Variants in MYO18A observed in about 807,000 individuals in gnomAD.
MYO18A encodes unconventional myosin-XVIIIa.
A neutral mutation model predicts 235.8 loss-of-function variants in MYO18A; 78 were observed. The observed-to-expected ratio is 0.33, with a 90% CI of 0.28 to 0.40. The LOEUF (loss-of-function observed/expected upper bound fraction) is 0.40, where lower values mean the gene tolerates loss of function less well. Among genes scored for constraint, MYO18A ranks in the 10% least tolerant of loss-of-function variants. MYO18A has a pLI of 1.00. For missense variants in MYO18A, 2,215 were observed against 2,699.3 expected, an observed-to-expected ratio of 0.82 and a Z score of 3.98; for synonymous variants, 977 against 1,077.8, an observed-to-expected ratio of 0.91 and a Z score of 1.83.
intron 34 of MYO18A, chr17:29,091,190 T>C: frequency 2.2e-6 from 1 of 462,582 alleles, no homozygotes; most frequent in Middle Eastern, 6.0e-4. Context: ...CCTTTGAGGC[T>C]AATGAGAAGG....
At position 29,118,454 on chromosome 17, in the gene MYO18A, T is replaced by C; in HGVS notation, c.1830-14A>G. On this transcript the variant is annotated splice_polypyrimidine_tract_variant and intron_variant, in intron 8 of 41. Coordinates refer to ENST00000527372, the MANE Select transcript of MYO18A (RefSeq NM_078471.4). The surrounding 1 kb of genome is among the most constrained non-coding windows in gnomAD (Gnocchi z 4.2). Reference sequence around the variant, plus strand: ...TGGAGCTCTGTCCTAGGGGTACAAATAAGGCATCAGCACGGCACTTGGTCC... The same window carrying C: ...TGGAGCTCTGTCCTAGGGGTACAAACAAGGCATCAGCACGGCACTTGGTCC... The C allele has an allele frequency of 1.3e-6, 2 of 1,593,238 alleles. No homozygotes were observed. The highest frequency in any genetic ancestry group is 1.7e-6 in the Non-Finnish European group (2 of 1,163,774).
intron 19 of MYO18A, among the ~76,000 whole-genome samples, chr17:29,108,072 C>G (rs2066837114): frequency 6.6e-6 from 1 of 151,978 alleles, no homozygotes; most frequent in Non-Finnish European, 1.5e-5. Flanking sequence ...AACAGCGGCC[C>G]TCGCACTTAT....
chr17:29,141,041 C>T (rs752504186), intron 2 of MYO18A, among the ~76,000 whole-genome samples: 2 of 152,254 alleles, frequency 1.3e-5, no homozygotes, highest in African/African-American at 2.4e-5. Context: ...GGCCCACTTA[C>T]TGCCCCACTG....
intron 14 of MYO18A, 49 bp downstream of exon 14, chr17:29,114,858 T>C: frequency 6.4e-7 from 1 of 1,568,430 alleles, no homozygotes; most frequent in Non-Finnish European, 8.7e-7. Context: ...TCGCTGTGGG[T>C]GCCAAGGCCA....
At chr17:29,148,583 TG>T (rs1161026040) in intron 2 of MYO18A, among the ~76,000 whole-genome samples, 1 of 18,352 alleles carries the variant, frequency 5.4e-5, no homozygotes, top group Non-Finnish European at 1.0e-4. Context: ...TTTATTCTTT[TG>T]TGTGTGTGTG....
chr17:29,153,969 C>T (rs759310299), intron 2 of MYO18A, among the ~76,000 whole-genome samples: 28 of 152,316 alleles, frequency 1.8e-4, no homozygotes, highest in Non-Finnish European at 3.8e-4. Context: ...ACTGATTCCC[C>T]TACCCCAGAG....
At chr17:29,095,158 G>A (rs2066491371) in intron 28 of MYO18A, 99 bp from the exon 29 acceptor site, 5 of 1,438,462 alleles carry the variant, frequency 3.5e-6, no homozygotes. Flanking sequence ...CTCAAGCAGG[G>A]GTGGGGGGAC....
Position 29,073,553 on chromosome 17 carries a change from G to A in MYO18A, c.*1217C>T, listed in dbSNP as rs1028429782. On this transcript the variant is annotated 3_prime_UTR_variant, in exon 42 of 42. Transcript: ENST00000527372. ...AAAAGGGCCTTTATTTCCATACATC[G>A]GGTAAACAGGGGAGAGCACAGCCCA... The A allele has an allele frequency of 2.4e-5, 7 of 287,592 alleles. No homozygotes were observed. The highest frequency in any genetic ancestry group is 1.3e-4 in the African/African-American group (6 of 46,274). The allele number at this position is 287,592 out of a possible 1,614,324, so 17.8% of individuals were successfully genotyped here. A position where few individuals can be genotyped will look rare whatever the true frequency, so the allele number is the denominator to read the frequency against.
chr17:29,111,496 G>A lies in MYO18A; in HGVS notation c.2828C>T (p.Thr943Ile). The A allele has an allele frequency of 1.2e-6, 2 of 1,613,126 alleles. No individual in the cohort carries two copies. Among genetic ancestry groups the A allele is most frequent in the Non-Finnish European group, 1.7e-6 (2 of 1,179,572 alleles). Residue 943 changes from threonine to isoleucine, a missense_variant, in exon 17 of 42, where the codon ACT (threonine) becomes ATT (isoleucine). Coordinates refer to ENST00000527372, the MANE Select transcript of MYO18A (RefSeq NM_078471.4). This position sits in a 1 kb window ranked among gnomAD's most constrained non-coding sequence, Gnocchi z 5.1. Reference protein sequence around the residue: ...HGTNWVEYNVTGWLNYTKQNP... With the variant: ...HGTNWVEYNVIGWLNYTKQNP... ...CTGCTTGGTGTAGTTCAGCCAGCCA[G>A]TCACATTGTACTCTACCCAGTTGGT...
At position 29,074,012 on chromosome 17, in the gene MYO18A, G is replaced by A; in HGVS notation, c.*758C>T. ...AACACGCTGAGACAAAGAGGGTGGG[G>A]TGGGGGCTGGAGGTGCGGATGGTCC... On this transcript the variant is annotated 3_prime_UTR_variant, in exon 42 of 42. Transcript: ENST00000527372. The surrounding 1 kb of genome is among the most constrained non-coding windows in gnomAD (Gnocchi z 4.4). 6.2e-7 allele frequency: 1 copy of A among 1,614,124 alleles called. No individual in the cohort carries two copies. Among genetic ancestry groups the A allele is most frequent in the Non-Finnish European group, 8.5e-7 (1 of 1,180,034 alleles).
intron 41 of MYO18A, chr17:29,077,556 C>G (rs546507190): frequency 5.2e-5 from 8 of 152,578 alleles, no homozygotes; most frequent in Non-Finnish European, 1.0e-4. Flanking sequence ...CTGAGGTCCT[C>G]CCTCCCCTGG....
Position 29,158,543 on chromosome 17 carries a change from T to C in MYO18A, c.999+7399A>G, listed in dbSNP as rs1471315272. On this transcript the variant is annotated intron_variant, in intron 2 of 41. Coordinates refer to ENST00000527372, the MANE Select transcript of MYO18A (RefSeq NM_078471.4). The surrounding 1 kb of genome is among the most constrained non-coding windows in gnomAD (Gnocchi z 4.3). The stretch of plus-strand genomic sequence containing the variant: ...TGTCTGGCATGGTGGGCGCCCTCAG[T>C]GCTGCCAGATGCCTGGGGCACAACC... Among the ~76,000 whole-genome samples, 1 of 152,086 alleles carries C rather than the reference T, an allele frequency of 6.6e-6. No homozygotes were observed. The highest frequency in any genetic ancestry group is 2.4e-5 in the African/African-American group (1 of 41,398).
In MYO18A at chr17:29,085,631, G is replaced by A; in HGVS notation, c.5870C>T (p.Thr1957Ile). ...TTTATTCTTTCTTTTCTGATACTTT[G>A]TCACCATGTCCTGCAAACTGGAAAT... ...DLINSLQDMV[T>I]KYQKRKNKLE... The change falls in exon 40 of 42, where the codon ACA becomes ATA. Residue 1957 changes from threonine to isoleucine, a missense_variant. Transcript: ENST00000527372. 6.2e-7 allele frequency: 1 copy of A among 1,614,002 alleles called. No individual in the cohort carries two copies. The highest frequency in any genetic ancestry group is 2.2e-5 in the East Asian group (1 of 44,880).
At chr17:29,156,565 C>T (rs1422723164) in intron 2 of MYO18A, among the ~76,000 whole-genome samples, 1 of 152,174 alleles carries the variant, frequency 6.6e-6, no homozygotes, top group African/African-American at 2.4e-5. Context: ...GTCCAGGACC[C>T]AAAACTGAGC....
chr17:29,096,049 GC>G (rs1033324735), intron 28 of MYO18A, among the ~76,000 whole-genome samples: 8 of 152,298 alleles, frequency 5.3e-5, no homozygotes, highest in Middle Eastern at 3.4e-3. Flanking sequence ...GGTCCAGGAG[GC>G]CGGGGGTAAC....
intron 20 of MYO18A, among the ~76,000 whole-genome samples, chr17:29,104,640 T>C (rs2066737181): frequency 6.6e-6 from 1 of 151,966 alleles, no homozygotes; most frequent in African/African-American, 2.4e-5. Context: ...ATGTGATAAT[T>C]GAAGTGATGA....
rs760243576 is a variant in MYO18A at position 29,110,423 on chromosome 17, G to A, written c.3087+13C>T. On this transcript the variant is annotated intron_variant, in intron 18 of 41. Coordinates refer to ENST00000527372, the MANE Select transcript of MYO18A (RefSeq NM_078471.4). ...TCCCCAGGCCTGCCTGCTGGGACCC[G>A]GCTGGCACTCACCACCTGTAGCTTC... The A allele has an allele frequency of 5.7e-6, 9 of 1,570,860 alleles. No individual in the cohort carries two copies. Among genetic ancestry groups the A allele is most frequent in the Middle Eastern group, 1.7e-4 (1 of 5,982 alleles).
intron 1 of MYO18A, among the ~76,000 whole-genome samples, chr17:29,168,128 G>A (rs1345828012): frequency 7.1e-6 from 1 of 141,436 alleles, no homozygotes; most frequent in African/African-American, 2.6e-5. Context: ...AGCAGCAAGA[G>A]AAAGAAGGGA....
At chr17:29,124,605 G>C in intron 2 of MYO18A, 1 of 1,234,094 alleles carries the variant, frequency 8.1e-7, no homozygotes, top group Non-Finnish European at 1.0e-6. Flanking sequence ...GGGCTAGGTG[G>C]TCACTGGAGG....
Sources: allele counts gnomAD v4.1 joint callset (sites outside exome capture counted in the v4.1 genomes callset), GRCh38; gene constraint gnomAD v4.1.1; non-coding constraint Gnocchi (gnomAD v3.1); transcripts MANE v1.5; gene names NCBI Gene and HGNC (gene_info 2026-07-23, HGNC 2026-07-21).